The following ASTN1 variants were observed in gnomAD, a reference collection of about 807,000 sequenced individuals.
The protein encoded by ASTN1 is astrotactin 1.
In ASTN1, 41 loss-of-function variants were observed where a neutral mutation model predicts 140.7. That is an observed-to-expected ratio of 0.29 (90% confidence interval 0.23 to 0.38). The LOEUF (loss-of-function observed/expected upper bound fraction) is 0.38, where lower values mean the gene tolerates loss of function less well. Among genes scored for constraint, ASTN1 ranks in the 10% least tolerant of loss-of-function variants. The probability of loss-of-function intolerance (pLI) is 1.00; values close to 1 mark genes in which losing one functional copy is unlikely to be tolerated. For synonymous variants in ASTN1, 640 were observed against 652.2 expected (o/e 0.98, Z 0.29); for missense variants, 1,479 against 1,678.8 (o/e 0.88, Z 2.08).
chr1:176,872,790 C>T (rs113071481), intron 21 of ASTN1, among the ~76,000 whole-genome samples: 8 of 152,308 alleles, frequency 5.3e-5, no homozygotes, highest in East Asian at 3.9e-4. Flanking sequence ...TGATCTGGAA[C>T]GATCTTCCCC....
intron 8 of ASTN1, among the ~76,000 whole-genome samples, chr1:177,002,582 A>C (rs1178375562): frequency 6.6e-6 from 1 of 152,048 alleles, no homozygotes; most frequent in Non-Finnish European, 1.5e-5. Flanking sequence ...TTTTTATCAC[A>C]CGCATTCCTT....
intron 1 of ASTN1, among the ~76,000 whole-genome samples, chr1:177,116,062 C>T (rs913049041): frequency 6.6e-6 from 1 of 152,136 alleles, no homozygotes; most frequent in Non-Finnish European, 1.5e-5. Context: ...TCTAGGATTC[C>T]TAACATTGTC....
chr1:177,032,961 T>C (rs958532445), intron 2 of ASTN1, 112 bp from the exon 3 acceptor site: 36 of 1,263,100 alleles, frequency 2.9e-5, no homozygotes, highest in Non-Finnish European at 3.4e-5. Context: ...ATTCATTCAT[T>C]CAGCTGTATT....
At chr1:177,062,331 C>G (rs192151654) in intron 1 of ASTN1, among the ~76,000 whole-genome samples, 2 of 151,946 alleles carry the variant, frequency 1.3e-5, no homozygotes, top group East Asian at 3.9e-4. Flanking sequence ...GCCTCAACCT[C>G]CTGGGCTCAA....
In ASTN1 at chr1:176,894,779, A is replaced by T; in HGVS notation, c.2723T>A (p.Leu908Gln). 1 of 1,614,188 alleles carries T rather than the reference A, an allele frequency of 6.2e-7. No individual in the cohort carries two copies. Among genetic ancestry groups the T allele is most frequent in the Non-Finnish European group, 8.5e-7 (1 of 1,180,044 alleles). ...SEERERDPKV[L>Q]TFPEYITSLS... ...GCTGGTGATGTATTCTGGGAATGTC[A>T]GCACCTTGGGGTCTCTTTCCCGCTC... Residue 908 changes from leucine to glutamine, a missense_variant, in exon 17 of 23, where the codon CTG becomes CAG. This residue lies in a region of ASTN1 where 746 missense variants were observed against 800.9 expected (regional missense o/e 0.93). Transcript: ENST00000361833.
chr1:176,870,196 G>A (rs999088993), intron 21 of ASTN1, among the ~76,000 whole-genome samples: 1 of 152,146 alleles, frequency 6.6e-6, no homozygotes, highest in Non-Finnish European at 1.5e-5. Flanking sequence ...TAAACAGCTT[G>A]GAAACTAAGA....
At chr1:176,930,619 C>G (rs1046995446) in intron 16 of ASTN1, among the ~76,000 whole-genome samples, 15 of 151,994 alleles carry the variant, frequency 9.9e-5, no homozygotes, top group African/African-American at 3.6e-4. Flanking sequence ...AGAAAGCTGC[C>G]CTGGTAAAGA....
intron 9 of ASTN1, among the ~76,000 whole-genome samples, chr1:176,962,679 A>C (rs575635597): frequency 1.3e-5 from 2 of 152,218 alleles, no homozygotes; most frequent in Non-Finnish European, 2.9e-5. Context: ...AACATTCTTC[A>C]ACCTGGCTTC....
intron 8 of ASTN1, among the ~76,000 whole-genome samples, chr1:176,999,564 A>G (rs1053351640): frequency 1.4e-4 from 21 of 152,338 alleles, no homozygotes; most frequent in African/African-American, 5.0e-4. Flanking sequence ...AACCTTCAGG[A>G]AGATCTCTAA....
At chr1:177,146,279 T>C (rs1032503567) in intron 1 of ASTN1, among the ~76,000 whole-genome samples, 2 of 152,176 alleles carry the variant, frequency 1.3e-5, no homozygotes, top group African/African-American at 4.8e-5. Context: ...AAGTCCTGTT[T>C]CACACAGATA....
chr1:177,030,308 T>C (rs73045476), intron 4 of ASTN1, among the ~76,000 whole-genome samples: 3,244 of 152,328 alleles, frequency 0.021, 123 homozygotes, highest in African/African-American at 0.073. Flanking sequence ...TAAAGGTTTT[T>C]TAATCTCTCT....
At chr1:176,886,793 C>T (rs1160935909) in intron 18 of ASTN1, among the ~76,000 whole-genome samples, 1 of 152,254 alleles carries the variant, frequency 6.6e-6, no homozygotes. Flanking sequence ...CTCCTGCCTA[C>T]TCAGCCTTTC....
chr1:177,018,676 A>C (rs1212842448), intron 7 of ASTN1, among the ~76,000 whole-genome samples: 1 of 152,222 alleles, frequency 6.6e-6, no homozygotes, highest in Non-Finnish European at 1.5e-5. Context: ...GAAATAAAGC[A>C]GGTGTGTGAA....
Position 176,894,804 on chromosome 1 carries a change from C to G in ASTN1, c.2698G>C (p.Glu900Gln), listed in dbSNP as rs1279301633. 2.5e-6 allele frequency: 4 copies of G among 1,613,910 alleles called. No individual in the cohort carries two copies. Among genetic ancestry groups the G allele is most frequent in the African/African-American group, 1.3e-5 (1 of 74,932 alleles). The change falls in exon 17 of 23, where the codon GAG becomes CAG. Residue 900 changes from glutamate (E) to glutamine (Q), a missense_variant. Glu to Gln is a conservative substitution (Grantham distance 29). Coordinates refer to ENST00000361833, the MANE Select transcript of ASTN1 (RefSeq NM_004319.3). Reference protein sequence around the residue: ...KGNSPSDESEERERDPKVLTF... With the variant: ...KGNSPSDESEQRERDPKVLTF... ...AGCACCTTGGGGTCTCTTTCCCGCT[C>G]CTCAGACTCATCTGATGGGGAGTTG...
At chr1:176,986,836 G>A (rs1571609246) in intron 8 of ASTN1, among the ~76,000 whole-genome samples, 1 of 152,136 alleles carries the variant, frequency 6.6e-6, no homozygotes, top group African/African-American at 2.4e-5. Context: ...GAATTAACAC[G>A]TGTTAACTGC....
intron 17 of ASTN1, among the ~76,000 whole-genome samples, chr1:176,893,170 G>T (rs546389230): frequency 6.6e-6 from 1 of 152,106 alleles, no homozygotes; most frequent in African/African-American, 2.4e-5. Flanking sequence ...AGCTCTGCAC[G>T]CCCTGTTGCA....
At chr1:177,005,579 T>G (rs1674953293) in intron 8 of ASTN1, among the ~76,000 whole-genome samples, 1 of 152,200 alleles carries the variant, frequency 6.6e-6, no homozygotes, top group Non-Finnish European at 1.5e-5. Flanking sequence ...TTAATCTAAG[T>G]GCTCATCAAC....
At chr1:176,883,142 T>G (rs1402357600) in intron 19 of ASTN1, 148 bp from the exon 20 acceptor site, 7 of 1,177,760 alleles carry the variant, frequency 5.9e-6, no homozygotes, top group Non-Finnish European at 8.3e-6. Flanking sequence ...AGGAATGGCC[T>G]TTTCTATTTC....
intron 16 of ASTN1, among the ~76,000 whole-genome samples, chr1:176,896,294 C>G (rs115517666): frequency 6.6e-6 from 1 of 152,124 alleles, no homozygotes; most frequent in Non-Finnish European, 1.5e-5. Flanking sequence ...AATAATCGAC[C>G]CAGAGCCAAG....
Sources: gnomAD v4.1 joint callset for allele counts (sites outside exome capture counted in the v4.1 genomes callset) on GRCh38, gnomAD v4.1.1 for gene constraint, gnomAD v4.1.1 regional missense constraint, MANE v1.5 for transcripts, NCBI Gene and HGNC (gene_info 2026-07-23, HGNC 2026-07-21) for gene names.